The following UACA variants were observed in gnomAD, a reference collection of about 807,000 sequenced individuals.
UACA encodes uveal autoantigen with coiled-coil domains and ankyrin repeats.
Under a neutral mutation model 160.5 loss-of-function variants are expected in UACA, and 112 were observed. The observed-to-expected ratio is 0.70, with a 90% CI of 0.60 to 0.82. The LOEUF (loss-of-function observed/expected upper bound fraction) is 0.82, where lower values mean the gene tolerates loss of function less well. Ranked by LOEUF, UACA falls within the 40% of genes least tolerant of loss-of-function variation. UACA has a pLI of 0.00. For synonymous variants in UACA, 557 were observed against 568.4 expected (o/e 0.98, Z 0.29); for missense variants, 1,574 against 1,614.6 (o/e 0.97, Z 0.43).
intron 15 of UACA, 48 bp downstream of exon 15, chr15:70,670,991 A>C (rs1469590657): frequency 7.6e-7 from 1 of 1,315,434 alleles, no homozygotes; most frequent in East Asian, 2.6e-5. Flanking sequence ...AAGGCACAAA[A>C]ATTTTCTTTA....
At chr15:70,772,926 T>TA in the UACA span, among the ~76,000 whole-genome samples, 1 of 151,448 alleles carries the variant, frequency 6.6e-6, no homozygotes. Flanking sequence ...CCGTCTCTAC[T>TA]AAAAATACAA....
intron 1 of UACA, among the ~76,000 whole-genome samples, chr15:70,750,647 G>C (rs1008742858): frequency 6.6e-6 from 1 of 152,114 alleles, no homozygotes; most frequent in Admixed American, 6.6e-5. Context: ...TGGGAGGATC[G>C]CTTGAGCCCT....
At chr15:70,694,601 G>A (rs1898063029) in intron 3 of UACA, among the ~76,000 whole-genome samples, 1 of 152,132 alleles carries the variant, frequency 6.6e-6, no homozygotes, top group Non-Finnish European at 1.5e-5. Context: ...GTGCTTAGAA[G>A]AATAGCTATT....
intron 1 of UACA, chr15:70,749,265 G>A (rs1200700108): frequency 2.4e-6 from 1 of 421,434 alleles, no homozygotes; most frequent in Admixed American, 2.6e-5. Context: ...GGTGGCTCAT[G>A]CCTGTAATCC....
chr15:70,772,521 T>C, the UACA span, among the ~76,000 whole-genome samples: 1 of 130,794 alleles, frequency 7.6e-6, no homozygotes, highest in Admixed American at 7.8e-5. Context: ...AAAAAAAGAA[T>C]CTAGGTAGAT....
chr15:70,777,711 G>A, the UACA span, among the ~76,000 whole-genome samples: 1 of 152,200 alleles, frequency 6.6e-6, no homozygotes, highest in African/African-American at 2.4e-5. Flanking sequence ...CGGGCAAGTA[G>A]TGTTGAGGGG....
At chr15:70,714,098 T>C (rs529371174) in intron 1 of UACA, among the ~76,000 whole-genome samples, 1 of 152,160 alleles carries the variant, frequency 6.6e-6, no homozygotes, top group Non-Finnish European at 1.5e-5. Context: ...ATTACCAACA[T>C]TCTCTGTTAC....
At chr15:70,772,458 A>G in the UACA span, among the ~76,000 whole-genome samples, 1 of 142,474 alleles carries the variant, frequency 7.0e-6, no homozygotes, top group Non-Finnish European at 1.5e-5. Flanking sequence ...GCGCCACTGC[A>G]CTCCAGCCTG....
chr15:70,735,297 C>T (rs1899331583), intron 1 of UACA, among the ~76,000 whole-genome samples: 1 of 151,572 alleles, frequency 6.6e-6, no homozygotes, highest in Non-Finnish European at 1.5e-5. Flanking sequence ...CTCGGCAACA[C>T]ACAATACACC....
rs1896938713 is a variant in UACA at position 70,667,057 on chromosome 15, C to T, written c.3627G>A (p.Gln1209=). The change falls in exon 16 of 19, where the codon CAG becomes CAA. Residue 1209 remains glutamine, a synonymous_variant. Transcript: ENST00000322954. ...EEVSKLQSEV[Q]NTKQALKKLE... The stretch of plus-strand genomic sequence containing the variant: ...ATTTTTTTAATGCTTGTTTAGTATT[C>T]TGAACCTCCGACTGAAGTTTGGAGA... 5 of 1,613,406 alleles carry T rather than the reference C, an allele frequency of 3.1e-6. No individual in the cohort carries two copies. The highest frequency in any genetic ancestry group is 1.7e-5 in the Admixed American group (1 of 59,916).
intron 1 of UACA, among the ~76,000 whole-genome samples, chr15:70,704,590 C>T (rs1408485539): frequency 6.6e-6 from 1 of 152,168 alleles, no homozygotes; most frequent in African/African-American, 2.4e-5. Flanking sequence ...TTTATTTATA[C>T]TTTCTAGGCA....
At position 70,763,391 on chromosome 15, in the gene UACA, G is replaced by C; in HGVS notation, c.17C>G (p.Ser6Cys). 3.0e-6 allele frequency: 4 copies of C among 1,325,618 alleles called. No individual in the cohort carries two copies. Among genetic ancestry groups the C allele is most frequent in the Non-Finnish European group, 3.9e-6 (4 of 1,030,712 alleles). 82.1% of individuals were successfully genotyped at this position (1,325,618 alleles called of 1,614,324 possible). A position where few individuals can be genotyped will look rare whatever the true frequency, so the allele number is the denominator to read the frequency against. ...GGGCACGTCCTGCCTCCTCAGGCGG[G>C]ACTTGAGGCTCTTCATGGCTAACTC... Reference protein sequence around the residue: MKSLKSRLRRQDVPGP... With the variant: MKSLKCRLRRQDVPGP... Residue 6 changes from serine (S) to cysteine (C), a missense_variant, in exon 1 of 19, where the codon TCC becomes TGC. Coordinates refer to ENST00000322954, the MANE Select transcript of UACA (RefSeq NM_018003.4).
chr15:70,713,404 G>C (rs1008400521), intron 1 of UACA, among the ~76,000 whole-genome samples: 1 of 152,146 alleles, frequency 6.6e-6, no homozygotes. Context: ...AACTGAAAAA[G>C]GCTGTTGTAA....
intron 2 of UACA, among the ~76,000 whole-genome samples, chr15:70,697,233 C>T (rs993691919): frequency 2.6e-5 from 4 of 152,136 alleles, no homozygotes; most frequent in Non-Finnish European, 5.9e-5. Context: ...GTTACTAGGC[C>T]AAGATGCAAG....
chr15:70,682,719 C>T (rs759490693), intron 9 of UACA, 39 bp downstream of exon 9: 2 of 1,339,404 alleles, frequency 1.5e-6, no homozygotes, highest in Non-Finnish European at 2.0e-6. Flanking sequence ...TTAAACTATA[C>T]AATACATATA....
At chr15:70,698,834 C>T (rs758302871) in intron 2 of UACA, among the ~76,000 whole-genome samples, 1 of 152,060 alleles carries the variant, frequency 6.6e-6, no homozygotes, top group Admixed American at 6.6e-5. Context: ...TACCCTTTAA[C>T]CCAACTGCTC....
At chr15:70,697,795 A>G (rs947981969) in intron 2 of UACA, among the ~76,000 whole-genome samples, 19 of 152,214 alleles carry the variant, frequency 1.2e-4, no homozygotes, top group African/African-American at 4.6e-4. Context: ...TCACGCCTGT[A>G]ATCCCAGTAC....
intron 1 of UACA, among the ~76,000 whole-genome samples, chr15:70,715,676 C>T (rs567575503): frequency 1.3e-5 from 2 of 152,156 alleles, no homozygotes; most frequent in South Asian, 4.2e-4. Flanking sequence ...TAACTTTCCC[C>T]CAAACACAGC....
Position 70,667,245 on chromosome 15 carries a change from G to A in UACA, c.3439C>T (p.Gln1147Ter), listed in dbSNP as rs1204990567. 15 of 1,613,788 alleles carry A rather than the reference G, an allele frequency of 9.3e-6. No individual in the cohort carries two copies. Among genetic ancestry groups the A allele is most frequent in the Non-Finnish European group, 1.3e-5 (15 of 1,179,918 alleles). ...SMQRCYEKEQ[Q>*]TVTKLHQLLE... ...AATTGATGCAGTTTGGTCACTGTCTGCTGCTCTTTCTCGTAACACCTTTGC... is the reference window on the plus strand; with the variant it reads ...AATTGATGCAGTTTGGTCACTGTCTACTGCTCTTTCTCGTAACACCTTTGC... Residue 1147 changes from glutamine to a stop codon, truncating the protein, a stop_gained, in exon 16 of 19, where the codon CAG (glutamine) becomes TAG (stop). Coordinates refer to ENST00000322954, the MANE Select transcript of UACA (RefSeq NM_018003.4). LOFTEE classifies it high-confidence loss of function.
Sources: gnomAD v4.1 joint callset for allele counts (sites outside exome capture counted in the v4.1 genomes callset) on GRCh38, gnomAD v4.1.1 for gene constraint, MANE v1.5 for transcripts, NCBI Gene and HGNC (gene_info 2026-07-23, HGNC 2026-07-21) for gene names.